ZNF33B: variants seen among roughly 807,000 people sequenced by gnomAD.
ZNF33B encodes zinc finger protein 33B.
Under a neutral mutation model 45.8 loss-of-function variants are expected in ZNF33B, and 29 were observed. The ratio of observed to expected loss-of-function variants is 0.63; its 90% CI spans 0.47 to 0.86. ZNF33B has a LOEUF of 0.86. ZNF33B is among the 40% of genes least tolerant of loss of function. The pLI, the probability that ZNF33B is intolerant of heterozygous loss-of-function variation, is 0.00. For missense variants in ZNF33B, 831 were observed against 909.9 expected, an observed-to-expected ratio of 0.91 and a Z score of 1.12; for synonymous variants, 305 against 307.8, an observed-to-expected ratio of 0.99 and a Z score of 0.10.
At position 42,622,533 on chromosome 10, in the gene ZNF33B, T is replaced by C. The variant is rs144525631; in HGVS notation, c.250+9396A>G. Among the ~76,000 whole-genome samples the C allele has an allele frequency of 2.0e-5, 3 of 152,330 alleles. No individual in the cohort carries two copies. The East Asian group carries it at 5.8e-4, about 29-fold the overall frequency. On this transcript the variant is annotated intron_variant, in intron 4 of 4. Coordinates refer to ENST00000359467, the MANE Select transcript of ZNF33B (RefSeq NM_006955.3). The stretch of plus-strand genomic sequence containing the variant: ...TGAGAGCCCAAAAATACACTGCCTA[T>C]GGTCAACTGATTTTTGACAAGGGCG...
chr10:42,587,025 G>A (rs561130500), downstream of ZNF33B, among the ~76,000 whole-genome samples: 1 of 152,082 alleles, frequency 6.6e-6, no homozygotes, highest in Non-Finnish European at 1.5e-5. Flanking sequence ...GAGTGACACT[G>A]GGCCCTCACA....
chr10:42,596,907 T>C (rs1375776454), intron 4 of ZNF33B, among the ~76,000 whole-genome samples: 1 of 152,030 alleles, frequency 6.6e-6, no homozygotes, highest in Non-Finnish European at 1.5e-5. Context: ...TTTTCCACTC[T>C]AGTCTCCTTT....
At chr10:42,623,711 T>C (rs158378) in intron 4 of ZNF33B, among the ~76,000 whole-genome samples, 89,115 of 151,892 alleles carry the variant, frequency 0.59, 30,164 homozygotes, top group Non-Finnish European at 0.77. Context: ...GGCAATACAG[T>C]TTCTGTTTGA....
chr10:42,584,301 C>T (rs1422306431), downstream of ZNF33B, among the ~76,000 whole-genome samples: 1 of 152,318 alleles, frequency 6.6e-6, no homozygotes, highest in South Asian at 2.1e-4. Flanking sequence ...TTCTGCCCTT[C>T]AAGGACACTA....
rs1235906108 is a variant in ZNF33B at position 42,621,538 on chromosome 10, G to GT, written c.250+10390dup. On this transcript the variant is annotated intron_variant, in intron 4 of 4. Transcript: ENST00000359467. The stretch of plus-strand genomic sequence containing the variant: ...TGTGGTTCAACATAAGAAAATCAAT[G>GT]TTTTTAAAAAAAAAAAGAAAAGAAA... Among the ~76,000 whole-genome samples the GT allele has an allele frequency of 2.3e-4, 34 of 149,192 alleles. 1 individual carries two copies. Among genetic ancestry groups the GT allele is most frequent in the African/African-American group, 8.4e-4 (34 of 40,350 alleles).
chr10:42,635,727 T>G (rs1310821298), intron 2 of ZNF33B, among the ~76,000 whole-genome samples: 6 of 151,044 alleles, frequency 4.0e-5, no homozygotes, highest in Non-Finnish European at 8.8e-5. Flanking sequence ...GGAGAATCAC[T>G]TGAACCAGGG....
intron 4 of ZNF33B, among the ~76,000 whole-genome samples, chr10:42,606,204 C>A (rs763435939): frequency 1.4e-4 from 22 of 151,820 alleles, no homozygotes; most frequent in Non-Finnish European, 2.8e-4. Context: ...GTGGCTCATG[C>A]CTGTAATCCC....
chr10:42,619,784 G>C (rs1838489877), intron 4 of ZNF33B, among the ~76,000 whole-genome samples: 1 of 152,212 alleles, frequency 6.6e-6, no homozygotes, highest in South Asian at 2.1e-4. Flanking sequence ...GAAGTTATGA[G>C]GGAATCAATT....
In ZNF33B at chr10:42,638,498, C is replaced by G; in HGVS notation, c.-69G>C. On this transcript the variant is annotated 5_prime_UTR_variant, in exon 1 of 5. Coordinates refer to ENST00000359467, the MANE Select transcript of ZNF33B (RefSeq NM_006955.3). ...CCTCACTCTCTCTTCGGGTTGCATT[C>G]GCCATAAGAGAGCCGGTAGACCCCT... 1.1e-5 allele frequency: 5 copies of G among 473,976 alleles called. No individual in the cohort carries two copies. Among genetic ancestry groups the G allele is most frequent in the South Asian group, 7.6e-5 (5 of 66,090 alleles). 29.4% of individuals were successfully genotyped at this position (473,976 alleles called of 1,614,324 possible).
intron 4 of ZNF33B, among the ~76,000 whole-genome samples, chr10:42,601,235 G>A (rs1837603774): frequency 6.6e-6 from 1 of 152,066 alleles, no homozygotes; most frequent in Non-Finnish European, 1.5e-5. Flanking sequence ...CACTGATTTA[G>A]AGCATTCTGG....
chr10:42,594,688 C>T lies in ZNF33B; in HGVS notation c.262G>A (p.Ala88Thr), dbSNP rs201542601. The T allele has an allele frequency of 1.3e-4, 209 of 1,563,172 alleles. No homozygotes were observed. Among genetic ancestry groups the T allele is most frequent in the Non-Finnish European group, 1.7e-4 (201 of 1,161,498 alleles). ...TGGCTCCTCTCTTTCAGGTGATCAG[C>T]TGTCCAGACTTCTACAAACAAACAA... ...PSQSFPEVWT[A>T]DHLKERSQEN... The change falls in exon 5 of 5, where the codon GCT becomes ACT. Residue 88 changes from alanine to threonine, a missense_variant. By Grantham distance (58) the Ala-to-Thr change is moderately conservative. Coordinates refer to ENST00000359467, the MANE Select transcript of ZNF33B (RefSeq NM_006955.3).
intron 4 of ZNF33B, among the ~76,000 whole-genome samples, chr10:42,631,228 C>A (rs961336838): frequency 6.6e-6 from 1 of 151,730 alleles, no homozygotes; most frequent in African/African-American, 2.4e-5. Flanking sequence ...ATTTTTGAGA[C>A]AGAGTCTCGC....
intron 2 of ZNF33B, among the ~76,000 whole-genome samples, chr10:42,633,397 C>T (rs1839141073): frequency 6.6e-6 from 1 of 152,158 alleles, no homozygotes; most frequent in African/African-American, 2.4e-5. Flanking sequence ...ATTATGTGAC[C>T]AGGTTTTGTT....
At chr10:42,617,257 C>T (rs1589053756) in intron 4 of ZNF33B, among the ~76,000 whole-genome samples, 2 of 151,678 alleles carry the variant, frequency 1.3e-5, no homozygotes, top group South Asian at 2.1e-4. Flanking sequence ...GCACGCACCA[C>T]CACACCTGGC....
downstream of ZNF33B, among the ~76,000 whole-genome samples, chr10:42,588,561 C>T (rs968564849): frequency 3.6e-4 from 55 of 152,264 alleles, no homozygotes; most frequent in African/African-American, 1.2e-3. Context: ...ACTGAATACC[C>T]GACACTGGAC....
chr10:42,618,222 T>A (rs746669783), intron 4 of ZNF33B, among the ~76,000 whole-genome samples: 1 of 152,196 alleles, frequency 6.6e-6, no homozygotes, highest in Non-Finnish European at 1.5e-5. Flanking sequence ...AGATTGGGTT[T>A]TTTAAAACTC....
intron 2 of ZNF33B, among the ~76,000 whole-genome samples, chr10:42,634,020 A>G (rs1486520189): frequency 1.3e-5 from 2 of 152,018 alleles, no homozygotes; most frequent in Non-Finnish European, 2.9e-5. Flanking sequence ...TGAAACAAGG[A>G]CTACAGAGAC....
Position 42,589,351 on chromosome 10 carries a change from CTG to C in ZNF33B, c.*3260_*3261del, listed in dbSNP as rs1039670055. The C allele has an allele frequency of 1.7e-4, 26 of 151,998 alleles. No individual in the cohort carries two copies. The highest frequency in any genetic ancestry group is 6.3e-4 in the African/African-American group (26 of 41,332). 9.4% of individuals were successfully genotyped at this position (151,998 alleles called of 1,614,324 possible). On this transcript the variant is annotated 3_prime_UTR_variant, in exon 5 of 5. Transcript: ENST00000359467. ...TCCAGAGTTGACACTAGGGTTTACT[CTG>C]TGTTTTCCGTTCACTGTTTTCCATT...
At chr10:42,614,383 T>C (rs1838227055) in intron 4 of ZNF33B, 1 of 152,994 alleles carries the variant, frequency 6.5e-6, no homozygotes, top group African/African-American at 2.4e-5. Context: ...CAACTAAATG[T>C]AATATGGTGC....
Sources: allele counts gnomAD v4.1 joint callset (sites outside exome capture counted in the v4.1 genomes callset), GRCh38; gene constraint gnomAD v4.1.1; transcripts MANE v1.5; gene names NCBI Gene and HGNC (gene_info 2026-07-23, HGNC 2026-07-21).